The following SGCZ variants were observed in gnomAD, a reference collection of about 807,000 sequenced individuals.
The protein encoded by SGCZ is sarcoglycan zeta, also known as zeta-sarcoglycan.
In SGCZ, 40 loss-of-function variants were observed where a neutral mutation model predicts 41.3. That is an observed-to-expected ratio of 0.97 (90% CI 0.75 to 1.26). The LOEUF (loss-of-function observed/expected upper bound fraction) is 1.26, where lower values mean the gene tolerates loss of function less well. Ranked by LOEUF, SGCZ falls within the 50% of genes most tolerant of loss-of-function variation. The probability of loss-of-function intolerance (pLI) is 0.00; values close to 1 mark genes in which losing one functional copy is unlikely to be tolerated. For synonymous variants in SGCZ, 206 were observed against 137.5 expected (o/e 1.50, Z -3.49); for missense variants, 552 against 369.8 (o/e 1.49, Z -4.04).
At chr8:14,896,138 G>C (rs1805190481) in intron 1 of SGCZ, among the ~76,000 whole-genome samples, 2 of 152,116 alleles carry the variant, frequency 1.3e-5, no homozygotes, top group East Asian at 1.9e-4. Context: ...AACTGCTATG[G>C]GTAGGTGAGT....
In SGCZ at chr8:14,459,885, A is replaced by C. The variant is rs1044925307; in HGVS notation, c.234+94847T>G. Among the ~76,000 whole-genome samples the C allele has an allele frequency of 3.3e-4, 50 of 152,282 alleles. 1 individual carries two copies. Among genetic ancestry groups the C allele is most frequent in the African/African-American group, 1.2e-3 (48 of 41,572 alleles). On this transcript the variant is annotated intron_variant, in intron 2 of 7. Coordinates refer to ENST00000382080, the MANE Select transcript of SGCZ (RefSeq NM_139167.4). Reference sequence around the variant, plus strand: ...GAGACATATTTTACAAAATAACTAAACAGTATTCCTAAAATGAGTCAAGCC... The same window carrying C: ...GAGACATATTTTACAAAATAACTAACCAGTATTCCTAAAATGAGTCAAGCC...
intron 2 of SGCZ, among the ~76,000 whole-genome samples, chr8:14,377,569 T>A (rs1020216143): frequency 6.6e-6 from 1 of 152,066 alleles, no homozygotes; most frequent in Non-Finnish European, 1.5e-5. Context: ...AGGGTACATG[T>A]GCACATTGTG....
At chr8:14,555,717 T>C (rs1804015270) in intron 1 of SGCZ, among the ~76,000 whole-genome samples, 2 of 152,070 alleles carry the variant, frequency 1.3e-5, no homozygotes, top group Admixed American at 1.3e-4. Context: ...ACCACAAGGA[T>C]TTTCTGTACC....
chr8:14,188,838 GT>G (rs1404386476), intron 4 of SGCZ, among the ~76,000 whole-genome samples: 10 of 22,896 alleles, frequency 4.4e-4, no homozygotes, highest in South Asian at 4.6e-3. Flanking sequence ...TTTTTTGTTT[GT>G]TTGTTTTTTG....
intron 2 of SGCZ, among the ~76,000 whole-genome samples, chr8:14,404,697 G>A (rs1799164163): frequency 6.6e-6 from 1 of 152,154 alleles, no homozygotes. Context: ...CTGCAGTTAT[G>A]TCTCTGTAAC....
intron 4 of SGCZ, among the ~76,000 whole-genome samples, chr8:14,170,193 G>A (rs1272685106): frequency 7.0e-5 from 10 of 142,084 alleles, no homozygotes; most frequent in East Asian, 2.1e-4. Flanking sequence ...CCCCCGCACC[G>A]AATCCACACG....
intron 3 of SGCZ, among the ~76,000 whole-genome samples, chr8:14,246,909 C>CAAAA (rs5889525): frequency 4.7e-5 from 4 of 84,346 alleles, no homozygotes; most frequent in Admixed American, 1.5e-4. Flanking sequence ...GACTCCATCT[C>CAAAA]AAAAAAAAAA....
chr8:15,208,058 A>G (rs1585675151), intron 1 of SGCZ, among the ~76,000 whole-genome samples: 4 of 152,346 alleles, frequency 2.6e-5, no homozygotes, highest in South Asian at 4.1e-4. Context: ...TTATGTGTCT[A>G]CTAAATATTA....
intron 1 of SGCZ, among the ~76,000 whole-genome samples, chr8:15,204,937 T>C (rs906594713): frequency 6.6e-6 from 1 of 152,178 alleles, no homozygotes; most frequent in Admixed American, 6.5e-5. Context: ...CCTGAATGAA[T>C]GAACTTGGCC....
At chr8:14,303,134 A>G (rs1801249480) in intron 3 of SGCZ, among the ~76,000 whole-genome samples, 1 of 152,204 alleles carries the variant, frequency 6.6e-6, no homozygotes, top group Non-Finnish European at 1.5e-5. Context: ...TCATAAATAT[A>G]AAAGAAAATA....
intron 2 of SGCZ, among the ~76,000 whole-genome samples, chr8:14,510,179 A>T (rs972739238): frequency 2.0e-5 from 3 of 152,144 alleles, no homozygotes; most frequent in Non-Finnish European, 4.4e-5. Context: ...AATACCTAAT[A>T]AGTTTTGAGT....
chr8:14,188,024 G>C (rs890920351), intron 4 of SGCZ, among the ~76,000 whole-genome samples: 5 of 152,042 alleles, frequency 3.3e-5, no homozygotes, highest in African/African-American at 1.2e-4. Flanking sequence ...AGAGGAAGTA[G>C]TAGGACAGCA....
intron 1 of SGCZ, among the ~76,000 whole-genome samples, chr8:14,800,881 T>A (rs1471145372): frequency 6.7e-6 from 1 of 149,242 alleles, no homozygotes; most frequent in Non-Finnish European, 1.5e-5. Flanking sequence ...CTCACTCATA[T>A]ACCACACAAG....
At chr8:14,306,661 A>G (rs996115110) in intron 3 of SGCZ, among the ~76,000 whole-genome samples, 1 of 151,720 alleles carries the variant, frequency 6.6e-6, no homozygotes, top group Non-Finnish European at 1.5e-5. Flanking sequence ...CAACAATGAC[A>G]CTGTGTCATA....
intron 1 of SGCZ, among the ~76,000 whole-genome samples, chr8:15,214,986 T>C (rs1801352695): frequency 6.6e-6 from 1 of 152,216 alleles, no homozygotes; most frequent in Non-Finnish European, 1.5e-5. Context: ...AGGTTGATAT[T>C]CTTCCCACAC....
chr8:14,241,525 T>C (rs2117179847), intron 3 of SGCZ, among the ~76,000 whole-genome samples: 1 of 140,886 alleles, frequency 7.1e-6, no homozygotes, highest in South Asian at 2.3e-4. Flanking sequence ...TATAGCATGA[T>C]ATACTAACAT....
chr8:14,168,657 A>G (rs1804281440), intron 4 of SGCZ, among the ~76,000 whole-genome samples: 1 of 152,136 alleles, frequency 6.6e-6, no homozygotes, highest in Non-Finnish European at 1.5e-5. Flanking sequence ...TTTTCTTTAT[A>G]AATTAGGCAG....
chr8:14,361,738 G>C (rs543742902), intron 2 of SGCZ, among the ~76,000 whole-genome samples: 1 of 152,190 alleles, frequency 6.6e-6, no homozygotes, highest in African/African-American at 2.4e-5. Flanking sequence ...GAGGAGTTGT[G>C]TTCCTTTGGA....
intron 3 of SGCZ, among the ~76,000 whole-genome samples, chr8:14,271,636 G>C (rs183139925): frequency 6.3e-4 from 96 of 152,164 alleles, no homozygotes; most frequent in African/African-American, 2.1e-3. Context: ...CCAATATATA[G>C]AAAGATTTTT....
Sources: gnomAD v4.1 joint callset for allele counts (sites outside exome capture counted in the v4.1 genomes callset) on GRCh38, gnomAD v4.1.1 for gene constraint, MANE v1.5 for transcripts, NCBI Gene and HGNC (gene_info 2026-07-23, HGNC 2026-07-21) for gene names.